Variants in PPP4R3A observed in about 807,000 individuals in gnomAD.
The protein encoded by PPP4R3A is protein phosphatase 4 regulatory subunit 3A.
PPP4R3A carries 15 observed loss-of-function variants against 91.7 expected under a neutral mutation model. The ratio of observed to expected loss-of-function variants is 0.16; its 90% CI spans 0.11 to 0.25. PPP4R3A has a LOEUF of 0.25. Ranked by LOEUF, PPP4R3A falls within the 10% of genes least tolerant of loss-of-function variation. The pLI is 1.00. For synonymous variants in PPP4R3A, 377 were observed against 348.7 expected (o/e 1.08, Z -0.91); for missense variants, 623 against 998.4 (o/e 0.62, Z 5.07).
rs777346569 is a variant in PPP4R3A, at chr14:91,473,014, C to T, written c.1501+19G>A. 1 of 1,605,534 alleles carries T rather than the reference C, an allele frequency of 6.2e-7. No individual in the cohort carries two copies. Among genetic ancestry groups the T allele is most frequent in the Non-Finnish European group, 8.5e-7 (1 of 1,175,806 alleles). On this transcript the variant is annotated intron_variant, in intron 9 of 14. Coordinates refer to ENST00000554943, the MANE Select transcript of PPP4R3A (RefSeq NM_001366432.2). ...CATTCAAGAACAGAGAACTTAACTA[C>T]CAACCTGAATTATCTTACCTTTACT...
intron 12 of PPP4R3A, 44 bp downstream of exon 12, chr14:91,462,691 C>G (rs573233516): frequency 1.4e-5 from 22 of 1,607,368 alleles, no homozygotes; most frequent in Non-Finnish European, 1.8e-5. Flanking sequence ...CACTACCATA[C>G]GACTTGATGC....
At chr14:91,507,395 G>GTATATA (rs1566660234) in intron 1 of PPP4R3A, among the ~76,000 whole-genome samples, 16,842 of 71,332 alleles carry the variant, frequency 0.24, 2,782 homozygotes, top group Middle Eastern at 0.32. Context: ...TATAGTATAT[G>GTATATA]TACTATAATT....
At chr14:91,462,931 A>T in intron 11 of PPP4R3A, 54 bp from the exon 12 acceptor site, 1 of 1,372,206 alleles carries the variant, frequency 7.3e-7, no homozygotes, top group Non-Finnish European at 9.9e-7. Flanking sequence ...TTTTAGCAAG[A>T]TGAGGCTTAA....
chr14:91,485,588 AAC>A, intron 3 of PPP4R3A, 42 bp downstream of exon 3: 1 of 1,404,404 alleles, frequency 7.1e-7, no homozygotes, highest in Non-Finnish European at 9.8e-7. Flanking sequence ...CAAAAAACTA[AAC>A]ACTTAAAGAA....
chr14:91,468,318 G>A (rs1007699452), intron 10 of PPP4R3A, among the ~76,000 whole-genome samples: 8 of 152,126 alleles, frequency 5.3e-5, no homozygotes, highest in African/African-American at 1.9e-4. Flanking sequence ...ATAATGAAAT[G>A]ATGAACTGAA....
chr14:91,498,948 T>G (rs1890767608), intron 1 of PPP4R3A, among the ~76,000 whole-genome samples: 1 of 144,240 alleles, frequency 6.9e-6, no homozygotes, highest in South Asian at 2.2e-4. Context: ...GCCTGGCTAA[T>G]TTTTTTATTT....
chr14:91,507,577 A>G (rs1393147745), intron 1 of PPP4R3A, among the ~76,000 whole-genome samples: 2 of 133,566 alleles, frequency 1.5e-5, no homozygotes, highest in Non-Finnish European at 1.6e-5. Context: ...TATTATACAT[A>G]CTATAGTTAT....
chr14:91,459,820 C>CT (rs1888009259), intron 14 of PPP4R3A, among the ~76,000 whole-genome samples: 1 of 128,336 alleles, frequency 7.8e-6, no homozygotes, highest in East Asian at 2.4e-4. Context: ...GGGTGACAGA[C>CT]TGAGACTCTG....
intron 10 of PPP4R3A, among the ~76,000 whole-genome samples, chr14:91,467,280 T>C (rs930321305): frequency 7.5e-6 from 1 of 133,928 alleles, no homozygotes; most frequent in Non-Finnish European, 1.6e-5. Context: ...ACCAGTAAGA[T>C]CTAGGAAGTC....
At chr14:91,506,725 T>G (rs1466052208) in intron 1 of PPP4R3A, among the ~76,000 whole-genome samples, 1 of 152,174 alleles carries the variant, frequency 6.6e-6, no homozygotes, top group Non-Finnish European at 1.5e-5. Flanking sequence ...AATGTTTGTA[T>G]GTTTTGTAGA....
In PPP4R3A at chr14:91,481,955, A is replaced by G. The variant is rs771809496; in HGVS notation, c.536T>C (p.Val179Ala). The G allele has an allele frequency of 4.3e-6, 7 of 1,614,010 alleles. No homozygotes were observed. The highest frequency in any genetic ancestry group is 5.9e-6 in the Non-Finnish European group (7 of 1,180,004). ...YIKKLLELFHVCEDLENIEGL... is the reference protein window; with the variant it reads ...YIKKLLELFHACEDLENIEGL... The stretch of plus-strand genomic sequence containing the variant: ...TTCAATATTTTCCAAATCTTCACAC[A>G]CATGAAAAAGCTCCAGGAGCTTTTT... Residue 179 changes from valine (V) to alanine (A), a missense_variant, in exon 4 of 15, where the codon GTG becomes GCG. By Grantham distance (64) the Val-to-Ala change is moderately conservative. Transcript: ENST00000554943.
rs1369029430 is a variant in PPP4R3A, at chr14:91,509,380, G to A, written c.142+126C>T. The A allele has an allele frequency of 4.4e-6, 6 of 1,373,310 alleles. No homozygotes were observed. In the Admixed American group the frequency reaches 6.6e-5, roughly 15 times the overall value. The allele number at this position is 1,373,310 out of a possible 1,614,324, so 85.1% of individuals were successfully genotyped here. On this transcript the variant is annotated intron_variant, in intron 1 of 14. Coordinates refer to ENST00000554943, the MANE Select transcript of PPP4R3A (RefSeq NM_001366432.2). Reference sequence around the variant, plus strand: ...GGGTACCTGGGGCCCGTCCTCCCCCGAGGTGGCCGCCCTCCCCAGCCGTCC... The same window carrying A: ...GGGTACCTGGGGCCCGTCCTCCCCCAAGGTGGCCGCCCTCCCCAGCCGTCC...
chr14:91,495,556 G>C (rs1260448437), intron 1 of PPP4R3A, among the ~76,000 whole-genome samples: 1 of 151,946 alleles, frequency 6.6e-6, no homozygotes, highest in Non-Finnish European at 1.5e-5. Flanking sequence ...ATTGCTAATG[G>C]GCACATGATT....
In PPP4R3A at chr14:91,462,078, G is replaced by T; in HGVS notation, c.2135C>A (p.Pro712Gln). 2 of 1,524,658 alleles carry T rather than the reference G, an allele frequency of 1.3e-6. No homozygotes were observed. The highest frequency in any genetic ancestry group is 1.8e-6 in the Non-Finnish European group (2 of 1,141,138). 94.4% of individuals were successfully genotyped at this position (1,524,658 alleles called of 1,614,324 possible). A position where few individuals can be genotyped will look rare whatever the true frequency, so the allele number is the denominator to read the frequency against. ...KTKNDDDIMD[P>Q]ISKFMERKKL... is the part of the protein sequence containing the mutation. ...CTTCCTTTCCATGAATTTACTTATTGGATCCATAATATCATCATCATTTTT... is the reference window on the plus strand; with the variant it reads ...CTTCCTTTCCATGAATTTACTTATTTGATCCATAATATCATCATCATTTTT... Residue 712 changes from proline to glutamine, a missense_variant, in exon 13 of 15, where the codon CCA (proline) becomes CAA (glutamine). By Grantham distance (76) the Pro-to-Gln change is moderately conservative. Coordinates refer to ENST00000554943, the MANE Select transcript of PPP4R3A (RefSeq NM_001366432.2).
chr14:91,488,176 C>A (rs1890015750), intron 2 of PPP4R3A, among the ~76,000 whole-genome samples: 1 of 150,630 alleles, frequency 6.6e-6, no homozygotes, highest in African/African-American at 2.5e-5. Context: ...GTACTCCAGC[C>A]TGAGCAACAT....
At chr14:91,507,447 T>TAGTATATATAATTATATATACTAC (rs1566660458) in intron 1 of PPP4R3A, among the ~76,000 whole-genome samples, 3 of 111,124 alleles carry the variant, frequency 2.7e-5, no homozygotes, top group South Asian at 5.1e-4. Context: ...ATATATACTA[T>TAGTATATATAATTATATATACTAC]ATAGTATATA....
intron 1 of PPP4R3A, among the ~76,000 whole-genome samples, chr14:91,499,580 A>C (rs906778756): frequency 4.6e-5 from 7 of 151,956 alleles, no homozygotes; most frequent in Non-Finnish European, 1.0e-4. Flanking sequence ...AAAAAATATA[A>C]GAAAGGCCAA....
chr14:91,507,427 T>TA (rs1265134650), intron 1 of PPP4R3A, among the ~76,000 whole-genome samples: 1 of 135,854 alleles, frequency 7.4e-6, no homozygotes, highest in Non-Finnish European at 1.6e-5. Context: ...ATAATATATA[T>TA]ACTATAATTA....
chr14:91,461,777 G>A (rs1888176162), intron 13 of PPP4R3A, 170 bp from the exon 14 acceptor site: 1 of 840,744 alleles, frequency 1.2e-6, no homozygotes, highest in Non-Finnish European at 1.8e-6. Context: ...CCATTCATTG[G>A]ATCTTACCCC....
Sources: allele counts gnomAD v4.1 joint callset (sites outside exome capture counted in the v4.1 genomes callset), GRCh38; gene constraint gnomAD v4.1.1; transcripts MANE v1.5; gene names NCBI Gene and HGNC (gene_info 2026-07-23, HGNC 2026-07-21).